KCNIP4: variants seen among roughly 807,000 people sequenced by gnomAD.
KCNIP4 encodes the protein potassium voltage-gated channel interacting protein 4, also known as Kv channel-interacting protein 4.
Under a neutral mutation model 34.0 loss-of-function variants are expected in KCNIP4, and 12 were observed. That is an observed-to-expected ratio of 0.35 (90% CI 0.23 to 0.57). The LOEUF (loss-of-function observed/expected upper bound fraction) is 0.57, where lower values mean the gene tolerates loss of function less well. KCNIP4 is among the 20% of genes least tolerant of loss of function. KCNIP4 has a pLI of 0.83. For missense variants in KCNIP4, 238 were observed against 311.7 expected, an observed-to-expected ratio of 0.76 and a Z score of 1.78; for synonymous variants, 124 against 102.2, an observed-to-expected ratio of 1.21 and a Z score of -1.29.
At chr4:21,196,194 T>C (rs1329688770) in intron 1 of KCNIP4, among the ~76,000 whole-genome samples, 1 of 152,224 alleles carries the variant, frequency 6.6e-6, no homozygotes, top group African/African-American at 2.4e-5. Context: ...TATTATCACT[T>C]AACGATTTCA....
chr4:20,758,760 C>A, intron 4 of KCNIP4, 61 bp downstream of exon 4: 2 of 1,316,444 alleles, frequency 1.5e-6, no homozygotes, highest in South Asian at 2.5e-5. Flanking sequence ...AAATTAAACT[C>A]AACACTGCAA....
At chr4:21,866,762 A>ATTTTTTTTTTTTTTTTTTT (rs770568451) in intron 1 of KCNIP4, among the ~76,000 whole-genome samples, 1 of 82,698 alleles carries the variant, frequency 1.2e-5, no homozygotes. Context: ...TTCAGCCTGG[A>ATTTTTTTTTTTTTTTTTTT]TTTTTTTTTT....
chr4:21,888,884 T>A (rs1474111070), intron 1 of KCNIP4, among the ~76,000 whole-genome samples: 1 of 152,118 alleles, frequency 6.6e-6, no homozygotes, highest in African/African-American at 2.4e-5. Flanking sequence ...GTCACATGGA[T>A]CACCTGTCAA....
At chr4:21,304,015 G>A in intron 1 of KCNIP4, 1 of 1,225,832 alleles carries the variant, frequency 8.2e-7, no homozygotes, top group South Asian at 1.6e-5. Flanking sequence ...GGAGAAAGGG[G>A]AGGAGGAGAG....
intron 1 of KCNIP4, among the ~76,000 whole-genome samples, chr4:21,876,226 T>C (rs1165406388): frequency 6.6e-6 from 1 of 152,214 alleles, no homozygotes; most frequent in Non-Finnish European, 1.5e-5. Context: ...CTGTAATTTT[T>C]AACTATATCT....
intron 1 of KCNIP4, among the ~76,000 whole-genome samples, chr4:21,258,992 G>A (rs538280843): frequency 6.6e-6 from 1 of 152,230 alleles, no homozygotes; most frequent in African/African-American, 2.4e-5. Context: ...TGCTGGATGT[G>A]GATGGTAACA....
chr4:21,446,301 G>C (rs1467107864), intron 1 of KCNIP4, among the ~76,000 whole-genome samples: 2 of 152,000 alleles, frequency 1.3e-5, no homozygotes, highest in Non-Finnish European at 2.9e-5. Context: ...TATAAATCAT[G>C]CTGCTATAAA....
intron 1 of KCNIP4, among the ~76,000 whole-genome samples, chr4:21,773,894 T>G (rs1719000327): frequency 6.6e-6 from 1 of 152,040 alleles, no homozygotes; most frequent in South Asian, 2.1e-4. Flanking sequence ...TCTATCCAAT[T>G]TGCCAGTCTG....
intron 1 of KCNIP4, among the ~76,000 whole-genome samples, chr4:21,069,261 C>T (rs948490363): frequency 5.9e-5 from 9 of 151,822 alleles, no homozygotes; most frequent in Admixed American, 1.3e-4. Flanking sequence ...TTTGAAGTCT[C>T]ACCTCTATAT....
intron 1 of KCNIP4, among the ~76,000 whole-genome samples, chr4:21,145,596 G>A (rs1306907172): frequency 1.3e-5 from 2 of 152,148 alleles, no homozygotes; most frequent in African/African-American, 2.4e-5. Flanking sequence ...GGGCACTGTG[G>A]TCTGTACAAT....
intron 1 of KCNIP4, among the ~76,000 whole-genome samples, chr4:21,251,837 G>A (rs1456383916): frequency 1.4e-5 from 2 of 140,860 alleles, no homozygotes; most frequent in African/African-American, 5.2e-5. Context: ...ACAGGAAGGG[G>A]AACATCACAC....
intron 1 of KCNIP4, among the ~76,000 whole-genome samples, chr4:21,574,387 A>G (rs892867400): frequency 3.3e-5 from 5 of 151,864 alleles, no homozygotes; most frequent in Admixed American, 6.6e-5. Context: ...AGTGTTCTAT[A>G]TTTATATATT....
Position 21,546,169 on chromosome 4 carries a change from T to C in KCNIP4, c.61+402402A>G, listed in dbSNP as rs1360422397. On this transcript the variant is annotated intron_variant, in intron 1 of 8. Transcript: ENST00000382152. ...AGACCCACTCACATAATTTTGCTAT[T>C]TGAAGGTCAATCATTGGGGACCTAT... Among the ~76,000 whole-genome samples the C allele has an allele frequency of 2.0e-5, 3 of 152,126 alleles. No homozygotes were observed. In the East Asian group the frequency reaches 5.8e-4, roughly 29 times the overall value.
At chr4:21,770,564 T>C (rs569941769) in intron 1 of KCNIP4, among the ~76,000 whole-genome samples, 1 of 152,276 alleles carries the variant, frequency 6.6e-6, no homozygotes, top group South Asian at 2.1e-4. Flanking sequence ...TAATTTACAT[T>C]CCCACCAACA....
Position 21,685,570 on chromosome 4 carries a change from C to T in KCNIP4, c.61+263001G>A, listed in dbSNP as rs149614352. On this transcript the variant is annotated intron_variant, in intron 1 of 8. Coordinates refer to ENST00000382152, the MANE Select transcript of KCNIP4 (RefSeq NM_025221.6). ...TGGAATGGGAGAGTAATAATCAGTA[C>T]GTGGACCAATTAGCTGTTATGACCT... Among the ~76,000 whole-genome samples, 908 of 152,230 alleles carry T rather than the reference C, an allele frequency of 6.0e-3. 7 individuals carry two copies. The highest frequency in any genetic ancestry group is 0.02 in the African/African-American group (844 of 41,550).
chr4:20,763,272 G>T (rs1755092659), intron 3 of KCNIP4, among the ~76,000 whole-genome samples: 1 of 152,174 alleles, frequency 6.6e-6, no homozygotes, highest in East Asian at 1.9e-4. Flanking sequence ...TTGCTTTTTT[G>T]GATGAGGGAT....
At chr4:21,705,094 G>A (rs547808167) in intron 1 of KCNIP4, among the ~76,000 whole-genome samples, 1 of 152,130 alleles carries the variant, frequency 6.6e-6, no homozygotes, top group Non-Finnish European at 1.5e-5. Flanking sequence ...ATTACACAGA[G>A]TGAAAATGCC....
chr4:21,105,760 G>A (rs939309489), intron 1 of KCNIP4, among the ~76,000 whole-genome samples: 49 of 151,508 alleles, frequency 3.2e-4, no homozygotes, highest in African/African-American at 1.1e-3. Context: ...ATTATTTTGA[G>A]ATACGTCCCA....
intron 1 of KCNIP4, among the ~76,000 whole-genome samples, chr4:21,477,743 T>A (rs1731105822): frequency 6.6e-6 from 1 of 152,198 alleles, no homozygotes; most frequent in African/African-American, 2.4e-5. Context: ...GAGTGCACCA[T>A]GTACAGAAGG....
Sources: gnomAD v4.1 joint callset for allele counts (sites outside exome capture counted in the v4.1 genomes callset) on GRCh38, gnomAD v4.1.1 for gene constraint, MANE v1.5 for transcripts, NCBI Gene and HGNC (gene_info 2026-07-23, HGNC 2026-07-21) for gene names.